TECPR2: variants seen among roughly 807,000 people sequenced by gnomAD.
TECPR2 encodes the protein tectonin beta-propeller repeat containing 2, also known as tectonin beta-propeller repeat-containing protein 2.
In TECPR2, 65 loss-of-function variants were observed where a neutral mutation model predicts 138.1. That is an observed-to-expected ratio of 0.47 (90% CI 0.39 to 0.58). TECPR2 has a LOEUF of 0.58. Ranked by LOEUF, TECPR2 falls within the 20% of genes least tolerant of loss-of-function variation. The pLI is 0.00. For missense variants in TECPR2, 1,553 were observed against 1,824.5 expected, an observed-to-expected ratio of 0.85 and a Z score of 2.71; for synonymous variants, 746 against 749.8, an observed-to-expected ratio of 0.99 and a Z score of 0.08.
At chr14:102,496,750 G>C in intron 17 of TECPR2, 1 of 591,132 alleles carries the variant, frequency 1.7e-6, no homozygotes, top group Non-Finnish European at 2.9e-6. Context: ...AGTCCATGCT[G>C]GTATCTGCTG....
chr14:102,445,607 C>T (rs1057040393), intron 12 of TECPR2, among the ~76,000 whole-genome samples, 199 bp from the exon 13 acceptor site: 2 of 152,110 alleles, frequency 1.3e-5, no homozygotes, highest in African/African-American at 4.8e-5. Flanking sequence ...TCAAAAGCTG[C>T]CACCCACTTG....
intron 2 of TECPR2, among the ~76,000 whole-genome samples, chr14:102,380,528 C>G (rs1159274430): frequency 6.6e-6 from 1 of 152,198 alleles, no homozygotes; most frequent in East Asian, 1.9e-4. Flanking sequence ...GGGGGGAAAC[C>G]ATGCCCATGA....
chr14:102,497,393 G>T, intron 18 of TECPR2, 177 bp from the exon 19 acceptor site: 1 of 1,030,700 alleles, frequency 9.7e-7, no homozygotes, highest in Non-Finnish European at 1.3e-6. Context: ...TGGCTTTGCT[G>T]GCCCTGCCAA....
At chr14:102,450,347 C>T (rs1355004003) in intron 14 of TECPR2, among the ~76,000 whole-genome samples, 1 of 152,164 alleles carries the variant, frequency 6.6e-6, no homozygotes, top group Non-Finnish European at 1.5e-5. Flanking sequence ...GCTGCATGGC[C>T]TCCACGACCC....
intron 5 of TECPR2, among the ~76,000 whole-genome samples, chr14:102,416,233 T>A (rs1889021045): frequency 6.6e-6 from 1 of 152,234 alleles, no homozygotes; most frequent in African/African-American, 2.4e-5. Context: ...GCGATTCTCC[T>A]GCCTCAGCCT....
Position 102,431,498 on chromosome 14 carries a change from A to T in TECPR2, c.1085-298A>T, listed in dbSNP as rs555246537. ...GCTGGGACCCCCGGCGCCCGCCACC[A>T]TGCCCGGCTAATTTTTTGTATTTTT... On this transcript the variant is annotated intron_variant, in intron 7 of 19. Transcript: ENST00000359520. Among the ~76,000 whole-genome samples, 15 of 152,002 alleles carry T rather than the reference A, an allele frequency of 9.9e-5. No individual in the cohort carries two copies. The East Asian group carries it at 2.3e-3, about 24-fold the overall frequency.
In TECPR2 at chr14:102,431,981, C is replaced by G; in HGVS notation, c.1270C>G (p.Pro424Ala). 6.2e-7 allele frequency: 1 copy of G among 1,612,804 alleles called. No individual in the cohort carries two copies. The highest frequency in any genetic ancestry group is 8.5e-7 in the Non-Finnish European group (1 of 1,179,842). Residue 424 changes from proline (P) to alanine (A), a missense_variant, in exon 8 of 20, where the codon CCC (proline) becomes GCC (alanine). Coordinates refer to ENST00000359520, the MANE Select transcript of TECPR2 (RefSeq NM_014844.5). ...NSTDSGSGLL[P>A]PGLQATPELG... The stretch of plus-strand genomic sequence containing the variant: ...CACCGACAGCGGCTCCGGGCTCCTG[C>G]CCCCTGGGCTCCAGGCCACCCCTGA...
In TECPR2 at chr14:102,444,086, A is replaced by G. The variant is rs11624218; in HGVS notation, c.2933+259A>G. Among the ~76,000 whole-genome samples the G allele has an allele frequency of 0.21, 32,340 of 151,952 alleles. 4,260 individuals carry two copies. Among genetic ancestry groups the G allele is most frequent in the Non-Finnish European group, 0.3 (20,492 of 67,922 alleles). On this transcript the variant is annotated intron_variant, in intron 12 of 19. Transcript: ENST00000359520. ...TCATGAGTCTGTCATGACGGTCTCTATTCAGAATTGCCCACCGTCAGGTAG... is the reference window on the plus strand; with the variant it reads ...TCATGAGTCTGTCATGACGGTCTCTGTTCAGAATTGCCCACCGTCAGGTAG...
At chr14:102,409,647 A>C (rs114413986) in intron 4 of TECPR2, among the ~76,000 whole-genome samples, 340 of 152,166 alleles carry the variant, frequency 2.2e-3, no homozygotes, top group African/African-American at 7.2e-3. Flanking sequence ...CTCTGATCCA[A>C]GACTGACCTA....
At chr14:102,365,627 C>T (rs142706296) in intron 1 of TECPR2, among the ~76,000 whole-genome samples, 24 of 152,306 alleles carry the variant, frequency 1.6e-4, no homozygotes, top group Non-Finnish European at 2.8e-4. Flanking sequence ...CACAAAATAC[C>T]ACATATTATA....
At chr14:102,459,317 C>T (rs1454046591) in intron 16 of TECPR2, among the ~76,000 whole-genome samples, 1 of 152,090 alleles carries the variant, frequency 6.6e-6, no homozygotes, top group Non-Finnish European at 1.5e-5. Flanking sequence ...TATATTTGGC[C>T]ATGTTACTGG....
chr14:102,377,038 C>T, intron 2 of TECPR2, 98 bp downstream of exon 2: 1 of 1,277,836 alleles, frequency 7.8e-7, no homozygotes, highest in Non-Finnish European at 1.1e-6. Flanking sequence ...TCTGATTTGC[C>T]AGAATATGGC....
chr14:102,422,175 A>G (rs1384578797), intron 5 of TECPR2, among the ~76,000 whole-genome samples: 1 of 152,222 alleles, frequency 6.6e-6, no homozygotes, highest in African/African-American at 2.4e-5. Flanking sequence ...GCTAAGGGGT[A>G]TGCACAGAAA....
intron 11 of TECPR2, among the ~76,000 whole-genome samples, chr14:102,441,558 C>T (rs1380397770): frequency 1.3e-5 from 2 of 151,148 alleles, no homozygotes; most frequent in African/African-American, 4.9e-5. Context: ...GGCGTGGTGG[C>T]GCTTGCCTGT....
chr14:102,452,917 T>C (rs779140921), intron 16 of TECPR2, among the ~76,000 whole-genome samples: 1 of 152,206 alleles, frequency 6.6e-6, no homozygotes, highest in Non-Finnish European at 1.5e-5. Context: ...TGAAGGATAC[T>C]GGTGATGCAG....
intron 17 of TECPR2, among the ~76,000 whole-genome samples, chr14:102,479,691 C>T (rs753912637): frequency 1.3e-5 from 2 of 152,186 alleles, no homozygotes; most frequent in East Asian, 1.9e-4. Context: ...TCCATGCTGG[C>T]GTCCCAGCCT....
chr14:102,383,018 A>G (rs552385467), intron 2 of TECPR2, among the ~76,000 whole-genome samples: 2 of 152,316 alleles, frequency 1.3e-5, no homozygotes, highest in South Asian at 4.1e-4. Flanking sequence ...TCGGCCTCCC[A>G]AAGTGCTGGG....
At chr14:102,414,830 TG>T (rs1162802533) in intron 5 of TECPR2, 37 bp downstream of exon 5, 1 of 1,608,912 alleles carries the variant, frequency 6.2e-7, no homozygotes, top group Non-Finnish European at 8.5e-7. Context: ...GCCTAAATGC[TG>T]GGCCTTGTTG....
At chr14:102,373,276 A>G (rs1019203469) in intron 1 of TECPR2, among the ~76,000 whole-genome samples, 3 of 152,152 alleles carry the variant, frequency 2.0e-5, no homozygotes, top group Admixed American at 1.3e-4. Flanking sequence ...TTCAACTTAC[A>G]GAGTTTCAAC....
Sources: gnomAD v4.1 joint callset for allele counts (sites outside exome capture counted in the v4.1 genomes callset) on GRCh38, gnomAD v4.1.1 for gene constraint, MANE v1.5 for transcripts, NCBI Gene and HGNC (gene_info 2026-07-23, HGNC 2026-07-21) for gene names.